The following NEGR1 variants were observed in gnomAD, a reference collection of about 807,000 sequenced individuals.
NEGR1 encodes IgLON family member 4.
In NEGR1, 10 loss-of-function variants were observed where a neutral mutation model predicts 40.9. That is an observed-to-expected ratio of 0.24 (90% CI 0.15 to 0.42). The LOEUF is 0.42. NEGR1 is among the 10% of genes least tolerant of loss of function. The pLI is 1.00. For synonymous variants in NEGR1, 185 were observed against 166.8 expected (o/e 1.11, Z -0.84); for missense variants, 352 against 438.9 (o/e 0.80, Z 1.77).
chr1:71,597,472 C>CTCTCTCTG lies in NEGR1; in HGVS notation c.789-4505_789-4504insCAGAGAGA, dbSNP rs756076229. ...TCTCTCTCTCTCTCTCTCTCTCTCTCTGTGTGTGTGTGTGTGTGTGTGTGT... is the reference window on the plus strand; with the variant it reads ...TCTCTCTCTCTCTCTCTCTCTCTCTCTCTCTCTGTGTGTGTGTGTGTGTGTGTGTGTGT... On this transcript the variant is annotated intron_variant, in intron 5 of 6. Coordinates refer to ENST00000357731, the MANE Select transcript of NEGR1 (RefSeq NM_173808.3). Among the ~76,000 whole-genome samples the CTCTCTCTG allele has an allele frequency of 1.9e-3, 58 of 31,326 alleles. 2 individuals are homozygous for CTCTCTCTG. The East Asian group carries it at 0.032, about 17-fold the overall frequency. 20.6% of individuals were successfully genotyped at this position (31,326 alleles called of 152,430 possible). A position where few individuals can be genotyped will look rare whatever the true frequency, so the allele number is the denominator to read the frequency against.
intron 4 of NEGR1, among the ~76,000 whole-genome samples, chr1:71,642,086 G>C (rs1651373378): frequency 1.3e-5 from 2 of 151,940 alleles, no homozygotes; most frequent in South Asian, 4.1e-4. Context: ...ATACAAATGA[G>C]AGACAGGATC....
chr1:71,533,136 A>G (rs1489451524), intron 6 of NEGR1, among the ~76,000 whole-genome samples: 1 of 151,558 alleles, frequency 6.6e-6, no homozygotes, highest in African/African-American at 2.4e-5. Flanking sequence ...CTGAGGCAAC[A>G]TTTAGGAGTC....
chr1:72,061,988 A>T (rs1373841030), intron 1 of NEGR1, among the ~76,000 whole-genome samples: 4 of 151,808 alleles, frequency 2.6e-5, no homozygotes, highest in Admixed American at 6.6e-5. Context: ...ATCATTTTCC[A>T]TCATATGGAT....
intron 1 of NEGR1, among the ~76,000 whole-genome samples, chr1:71,985,166 T>C (rs1225817965): frequency 6.6e-6 from 1 of 152,136 alleles, no homozygotes; most frequent in Admixed American, 6.5e-5. Context: ...ATTCTATATT[T>C]CAAGAATTAA....
intron 6 of NEGR1, among the ~76,000 whole-genome samples, chr1:71,487,351 G>A (rs987596814): frequency 7.3e-5 from 11 of 151,620 alleles, no homozygotes; most frequent in Admixed American, 5.3e-4. Flanking sequence ...GATGATTTTA[G>A]TATAATATCT....
chr1:72,170,638 C>A (rs1034284391), intron 1 of NEGR1, among the ~76,000 whole-genome samples: 5 of 152,162 alleles, frequency 3.3e-5, no homozygotes, highest in Non-Finnish European at 7.4e-5. Context: ...AGCAACAGAG[C>A]AAATTCATTT....
chr1:71,726,501 T>A (rs1267948287), intron 3 of NEGR1, among the ~76,000 whole-genome samples: 1 of 152,142 alleles, frequency 6.6e-6, no homozygotes, highest in Non-Finnish European at 1.5e-5. Flanking sequence ...TCAGACATTG[T>A]CATCAGAATT....
chr1:72,089,587 T>A (rs1648382872), intron 1 of NEGR1, among the ~76,000 whole-genome samples: 2 of 152,184 alleles, frequency 1.3e-5, no homozygotes, highest in South Asian at 4.1e-4. Flanking sequence ...TTTATTCTTT[T>A]AGGAAATATG....
intron 1 of NEGR1, among the ~76,000 whole-genome samples, chr1:71,942,251 C>T (rs1227543469): frequency 3.4e-5 from 5 of 145,664 alleles, no homozygotes; most frequent in African/African-American, 1.3e-4. Flanking sequence ...AGACCAAATC[C>T]TCGAACATCT....
At chr1:72,140,224 T>TTGTTG (rs71801891) in intron 1 of NEGR1, among the ~76,000 whole-genome samples, 4 of 150,602 alleles carry the variant, frequency 2.7e-5, no homozygotes, top group African/African-American at 9.8e-5. Flanking sequence ...GATAACTGTT[T>TTGTTG]TTGTTGTTGT....
At chr1:71,445,683 T>C (rs1325722208) in intron 6 of NEGR1, among the ~76,000 whole-genome samples, 1 of 152,154 alleles carries the variant, frequency 6.6e-6, no homozygotes, top group Non-Finnish European at 1.5e-5. Flanking sequence ...AGAAAATGCA[T>C]ATGACTTTAA....
intron 4 of NEGR1, among the ~76,000 whole-genome samples, chr1:71,683,506 C>G (rs1273597824): frequency 7.1e-6 from 1 of 141,430 alleles, no homozygotes; most frequent in Non-Finnish European, 1.5e-5. Context: ...TTGTATCCAG[C>G]ATCTTAGTTG....
chr1:72,029,060 C>G (rs1366234923), intron 1 of NEGR1, among the ~76,000 whole-genome samples: 1 of 152,052 alleles, frequency 6.6e-6, no homozygotes, highest in Non-Finnish European at 1.5e-5. Context: ...AACAAGATAC[C>G]AGATCAACCA....
intron 1 of NEGR1, among the ~76,000 whole-genome samples, chr1:72,030,602 A>C (rs1378722919): frequency 6.6e-6 from 1 of 152,204 alleles, no homozygotes; most frequent in East Asian, 1.9e-4. Flanking sequence ...CAAAGCAAGC[A>C]GGCCTTTCTG....
chr1:72,084,587 T>C (rs1648135704), intron 1 of NEGR1, among the ~76,000 whole-genome samples: 1 of 152,184 alleles, frequency 6.6e-6, no homozygotes, highest in African/African-American at 2.4e-5. Flanking sequence ...GTCTAGTTTG[T>C]TCATGGCTGC....
intron 3 of NEGR1, among the ~76,000 whole-genome samples, chr1:71,699,326 C>G (rs972288201): frequency 2.0e-5 from 3 of 151,852 alleles, no homozygotes; most frequent in African/African-American, 7.2e-5. Context: ...CCTTTATTAA[C>G]TGTGGCATGG....
At chr1:71,880,291 A>G (rs1660547296) in intron 2 of NEGR1, among the ~76,000 whole-genome samples, 1 of 152,042 alleles carries the variant, frequency 6.6e-6, no homozygotes, top group Admixed American at 6.6e-5. Flanking sequence ...TATTACTCAT[A>G]TTTCAAAGAA....
chr1:71,817,496 T>C (rs1658267660), intron 2 of NEGR1, among the ~76,000 whole-genome samples: 2 of 152,046 alleles, frequency 1.3e-5, no homozygotes, highest in African/African-American at 4.8e-5. Context: ...ACATCTTACA[T>C]GCAAACCCAG....
At chr1:72,276,063 C>A (rs189727901) in intron 1 of NEGR1, among the ~76,000 whole-genome samples, 1 of 152,184 alleles carries the variant, frequency 6.6e-6, no homozygotes, top group Non-Finnish European at 1.5e-5. Context: ...TGCCACTTCG[C>A]TCCAGCTTGG....
Sources: allele counts gnomAD v4.1 joint callset (sites outside exome capture counted in the v4.1 genomes callset), GRCh38; gene constraint gnomAD v4.1.1; transcripts MANE v1.5; gene names NCBI Gene and HGNC (gene_info 2026-07-23, HGNC 2026-07-21).